The following ATRNL1 variants were observed in gnomAD, a reference collection of about 807,000 sequenced individuals.
ATRNL1 encodes the protein attractin-like protein 1.
In ATRNL1, 95 loss-of-function variants were observed where a neutral mutation model predicts 182.7. The ratio of observed to expected loss-of-function variants is 0.52; its 90% CI spans 0.44 to 0.62. The LOEUF (loss-of-function observed/expected upper bound fraction) is 0.62, where lower values mean the gene tolerates loss of function less well. ATRNL1 is among the 20% of genes least tolerant of loss of function. The pLI, the probability that ATRNL1 is intolerant of heterozygous loss-of-function variation, is 0.00. For synonymous variants in ATRNL1, 576 were observed against 568.3 expected, an observed-to-expected ratio of 1.01 and a Z score of -0.19; for missense variants, 1,471 against 1,679.5, an observed-to-expected ratio of 0.88 and a Z score of 2.17.
intron 18 of ATRNL1, among the ~76,000 whole-genome samples, chr10:115,326,434 G>GGATA (rs1854885893): frequency 2.0e-5 from 3 of 152,174 alleles, no homozygotes. Context: ...AAATAAAAGA[G>GGATA]GATACAAACA....
At chr10:115,892,930 A>G (rs1952114751) in intron 28 of ATRNL1, among the ~76,000 whole-genome samples, 2 of 152,236 alleles carry the variant, frequency 1.3e-5, no homozygotes. Context: ...AATTATATTA[A>G]TACTTTAGAG....
chr10:115,710,199 A>G (rs1947022614), intron 26 of ATRNL1, among the ~76,000 whole-genome samples: 1 of 152,192 alleles, frequency 6.6e-6, no homozygotes, highest in South Asian at 2.1e-4. Context: ...AAGCTTTGGA[A>G]CATGTATTTC....
In ATRNL1 at chr10:115,717,381, T is replaced by A. The variant is rs375116683; in HGVS notation, c.3796-9867T>A. ...TGTGCCTAATGATTTACAGATGTGA[T>A]TTCAATGTATCTTAATCTTGATAAA... On this transcript the variant is annotated intron_variant, in intron 26 of 28. Transcript: ENST00000355044. 3.3e-5 allele frequency among the ~76,000 whole-genome samples: 5 copies of A among 152,196 alleles called. No individual in the cohort carries two copies. In the South Asian group the frequency reaches 1.0e-3, roughly 32 times the overall value.
intron 19 of ATRNL1, among the ~76,000 whole-genome samples, chr10:115,340,681 T>C (rs1284323695): frequency 6.6e-6 from 1 of 151,766 alleles, no homozygotes; most frequent in East Asian, 1.9e-4. Context: ...TTGGGAAACT[T>C]TTTATTATAC....
At chr10:115,281,572 A>G in intron 14 of ATRNL1, 85 bp downstream of exon 14, 2 of 1,305,676 alleles carry the variant, frequency 1.5e-6, no homozygotes, top group Non-Finnish European at 2.1e-6. Context: ...AGGACACTAC[A>G]TTTTCTAAAA....
chr10:115,323,940 G>T (rs567252747), intron 18 of ATRNL1, among the ~76,000 whole-genome samples: 206 of 151,516 alleles, frequency 1.4e-3, no homozygotes, highest in African/African-American at 4.7e-3. Context: ...ACGACGCCTG[G>T]CTAATTTTTT....
At chr10:115,811,431 G>C (rs1036501900) in intron 27 of ATRNL1, among the ~76,000 whole-genome samples, 1 of 151,930 alleles carries the variant, frequency 6.6e-6, no homozygotes, top group Non-Finnish European at 1.5e-5. Flanking sequence ...TGAATTGAAG[G>C]TGTATTCTGC....
intron 19 of ATRNL1, among the ~76,000 whole-genome samples, chr10:115,387,518 A>C (rs1858432573): frequency 6.6e-6 from 1 of 152,198 alleles, no homozygotes; most frequent in South Asian, 2.1e-4. Flanking sequence ...GGCATTTAGG[A>C]CATTCACAGT....
chr10:115,897,671 G>A (rs1555112824), intron 28 of ATRNL1, among the ~76,000 whole-genome samples: 1 of 152,152 alleles, frequency 6.6e-6, no homozygotes, highest in African/African-American at 2.4e-5. Flanking sequence ...ATCAGGGAAT[G>A]CTGAGCCCAG....
At chr10:115,170,891 C>T in intron 7 of ATRNL1, 146 bp from the exon 8 acceptor site, 1 of 420,052 alleles carries the variant, frequency 2.4e-6, no homozygotes, top group Non-Finnish European at 4.0e-6. Flanking sequence ...CATGTGTTCT[C>T]ATTACTTTTT....
intron 10 of ATRNL1, among the ~76,000 whole-genome samples, chr10:115,257,470 C>G (rs1554907371): frequency 6.6e-6 from 1 of 151,638 alleles, no homozygotes; most frequent in African/African-American, 2.4e-5. Context: ...TTTTTGCTTT[C>G]CATTTGCTTG....
At position 115,178,326 on chromosome 10, in the gene ATRNL1, A is replaced by G. The variant is rs188481645; in HGVS notation, c.1348+7034A>G. Among the ~76,000 whole-genome samples the G allele has an allele frequency of 1.3e-4, 20 of 152,284 alleles. No homozygotes were observed. In the East Asian group the frequency reaches 3.7e-3, roughly 28 times the overall value. ...AAGACTTATATTCAAAATTGTTGGA[A>G]AAATCCAGAAAATGTTTAATGAAGA... is the stretch of plus-strand genomic sequence containing the variant. On this transcript the variant is annotated intron_variant, in intron 8 of 28. Coordinates refer to ENST00000355044, the MANE Select transcript of ATRNL1 (RefSeq NM_207303.4).
At chr10:115,133,693 G>A (rs182141799) in intron 5 of ATRNL1, among the ~76,000 whole-genome samples, 1,765 of 151,982 alleles carry the variant, frequency 0.012, 32 homozygotes, top group African/African-American at 0.039. Flanking sequence ...TGCACCAAGC[G>A]GACCTAATAG....
At chr10:115,917,691 C>A (rs141639172) in intron 28 of ATRNL1, among the ~76,000 whole-genome samples, 1 of 152,058 alleles carries the variant, frequency 6.6e-6, no homozygotes, top group African/African-American at 2.4e-5. Context: ...AGGAAAAATT[C>A]TTGTTTACTT....
At position 115,315,748 on chromosome 10, in the gene ATRNL1, G is replaced by A; in HGVS notation, c.3037+12G>A. 6.3e-7 allele frequency: 1 copy of A among 1,598,340 alleles called. No individual in the cohort carries two copies. The highest frequency in any genetic ancestry group is 8.5e-7 in the Non-Finnish European group (1 of 1,169,716). ...TATCCAGTGTCCAGGTAATAATAAT[G>A]TAATGGAAACAATTTCAGTTTCTGC... On this transcript the variant is annotated intron_variant, in intron 18 of 28. Transcript: ENST00000355044.
At chr10:115,351,554 G>C (rs1554941321) in intron 19 of ATRNL1, among the ~76,000 whole-genome samples, 2 of 151,704 alleles carry the variant, frequency 1.3e-5, no homozygotes, top group Non-Finnish European at 2.9e-5. Context: ...GCTATATTTT[G>C]TTAAATGCGC....
rs193111092 is a variant in ATRNL1, at chr10:115,822,908, G to A, written c.3904-24969G>A. On this transcript the variant is annotated intron_variant, in intron 27 of 28. Coordinates refer to ENST00000355044, the MANE Select transcript of ATRNL1 (RefSeq NM_207303.4). Reference sequence around the variant, plus strand: ...ACTATTCCAAACAACAGAAAAAGGGGGACTCCTCCCTAACTCATTTTATGA... The same window carrying A: ...ACTATTCCAAACAACAGAAAAAGGGAGACTCCTCCCTAACTCATTTTATGA... 3.3e-5 allele frequency among the ~76,000 whole-genome samples: 5 copies of A among 152,172 alleles called. No homozygotes were observed. In the East Asian group the frequency reaches 9.7e-4, roughly 29 times the overall value.
intron 27 of ATRNL1, among the ~76,000 whole-genome samples, chr10:115,828,394 C>T (rs1387401936): frequency 1.3e-5 from 2 of 152,164 alleles, no homozygotes; most frequent in African/African-American, 2.4e-5. Flanking sequence ...CTGCCTGCAG[C>T]TGTTAAGGCT....
intron 24 of ATRNL1, among the ~76,000 whole-genome samples, chr10:115,497,461 G>A (rs775226973): frequency 5.3e-4 from 80 of 151,918 alleles, no homozygotes; most frequent in African/African-American, 1.2e-3. Flanking sequence ...ACTTTTGGGC[G>A]GGCAATAGTT....
Sources: gnomAD v4.1 joint callset for allele counts (sites outside exome capture counted in the v4.1 genomes callset) on GRCh38, gnomAD v4.1.1 for gene constraint, MANE v1.5 for transcripts, NCBI Gene and HGNC (gene_info 2026-07-23, HGNC 2026-07-21) for gene names.